The following STX8 variants were observed in gnomAD, a reference collection of about 807,000 sequenced individuals.
The protein encoded by STX8 is syntaxin-8.
Under a neutral mutation model 37.5 loss-of-function variants are expected in STX8, and 23 were observed. The ratio of observed to expected loss-of-function variants is 0.61; its 90% CI spans 0.44 to 0.87. The LOEUF (loss-of-function observed/expected upper bound fraction) is 0.87. Ranked by LOEUF, STX8 falls within the 40% of genes least tolerant of loss-of-function variation. The pLI, the probability that STX8 is intolerant of heterozygous loss-of-function variation, is 0.00. For missense variants in STX8, 313 were observed against 284.7 expected (o/e 1.10, Z -0.71); for synonymous variants, 115 against 99.1 (o/e 1.16, Z -0.95).
At chr17:9,424,178 G>A (rs895451705) in intron 6 of STX8, among the ~76,000 whole-genome samples, 26 of 152,198 alleles carry the variant, frequency 1.7e-4, no homozygotes, top group Non-Finnish European at 2.1e-4. Context: ...AAGATATGAA[G>A]CTGGGTTGGC....
chr17:9,442,308 A>G (rs187594433), intron 6 of STX8, among the ~76,000 whole-genome samples: 112 of 152,280 alleles, frequency 7.4e-4, no homozygotes, highest in Admixed American at 7.2e-3. Flanking sequence ...ACATCATGTC[A>G]TGACTGAACT....
chr17:9,575,377 C>G (rs111402724), intron 1 of STX8, among the ~76,000 whole-genome samples: 3,807 of 152,258 alleles, frequency 0.025, 57 homozygotes, highest in South Asian at 0.035. Context: ...CTCGGTTTCT[C>G]CACCTGTGAA....
At chr17:9,518,497 C>T (rs16958400) in intron 4 of STX8, among the ~76,000 whole-genome samples, 5,324 of 152,178 alleles carry the variant, frequency 0.035, 290 homozygotes, top group African/African-American at 0.12. Flanking sequence ...CTTGGGAATT[C>T]GACTTAGATC....
chr17:9,430,071 C>A (rs1181189739), intron 6 of STX8, among the ~76,000 whole-genome samples: 10 of 41,854 alleles, frequency 2.4e-4, no homozygotes, highest in East Asian at 8.7e-4. Context: ...TATATATATT[C>A]TATATAATAT....
intron 7 of STX8, among the ~76,000 whole-genome samples, chr17:9,364,095 G>T (rs148789826): frequency 6.6e-6 from 1 of 152,050 alleles, no homozygotes; most frequent in African/African-American, 2.4e-5. Context: ...ACATATAAAC[G>T]ATATTCTGAC....
chr17:9,397,594 C>T (rs1245291552), intron 6 of STX8, among the ~76,000 whole-genome samples: 1 of 152,038 alleles, frequency 6.6e-6, no homozygotes, highest in Non-Finnish European at 1.5e-5. Context: ...TTCTCGATAA[C>T]CAAAGGTGGA....
At chr17:9,413,935 C>T (rs1382300743) in intron 6 of STX8, among the ~76,000 whole-genome samples, 2 of 148,470 alleles carry the variant, frequency 1.3e-5, no homozygotes, top group South Asian at 2.2e-4. Context: ...TCCACCCATC[C>T]GCCCACCCAC....
At chr17:9,486,201 A>G (rs561487759) in intron 6 of STX8, among the ~76,000 whole-genome samples, 9 of 152,218 alleles carry the variant, frequency 5.9e-5, no homozygotes, top group Non-Finnish European at 8.8e-5. Flanking sequence ...TAGATTCCAA[A>G]CAGCATTTCC....
chr17:9,381,297 T>A (rs933508850), intron 6 of STX8, among the ~76,000 whole-genome samples: 2 of 152,098 alleles, frequency 1.3e-5, no homozygotes, highest in African/African-American at 2.4e-5. Flanking sequence ...TTATAGTGAC[T>A]GCTTTGGAGA....
intron 7 of STX8, among the ~76,000 whole-genome samples, chr17:9,354,315 TCAC>T (rs1910804773): frequency 6.7e-6 from 1 of 148,414 alleles, no homozygotes; most frequent in Admixed American, 6.8e-5. Context: ...AATAATTGTC[TCAC>T]TTTTTTTTTT....
chr17:9,494,615 CAAAAAAAAA>C (rs35806606), intron 5 of STX8, among the ~76,000 whole-genome samples: 3,836 of 64,442 alleles, frequency 0.06, 217 homozygotes, highest in African/African-American at 0.21. Context: ...GAACCTGTCT[CAAAAAAAAA>C]AAAAAAAAAA....
At chr17:9,544,468 A>G (rs945509382) in intron 4 of STX8, among the ~76,000 whole-genome samples, 1 of 152,080 alleles carries the variant, frequency 6.6e-6, no homozygotes, top group Non-Finnish European at 1.5e-5. Flanking sequence ...GCCCCGGACC[A>G]GTCTTATTAG....
At chr17:9,351,290 T>C (rs1910699036) in intron 7 of STX8, among the ~76,000 whole-genome samples, 1 of 149,406 alleles carries the variant, frequency 6.7e-6, no homozygotes, top group South Asian at 2.2e-4. Context: ...CCCAAGTAGC[T>C]GGGATTACAG....
rs376417730 is a variant in STX8 at position 9,505,056 on chromosome 17, G to A, written c.430C>T (p.Gln144Ter). ...TTAGTACCTTGGATAATTTTCTGCTGCTGTTGCCGGATTTCATCAAAACCC... is the reference window on the plus strand; with the variant it reads ...TTAGTACCTTGGATAATTTTCTGCTACTGTTGCCGGATTTCATCAAAACCC... Reference protein sequence around the residue: ...GLGFDEIRQQQQKIIQEQDAG... With the variant: ...GLGFDEIRQQ The change falls in exon 5 of 8, where the codon CAG becomes TAG. Residue 144 changes from glutamine (Q) to a stop codon, truncating the protein, a stop_gained. Transcript: ENST00000306357. LOFTEE classifies it high-confidence loss of function. 108 of 1,607,816 alleles carry A rather than the reference G, an allele frequency of 6.7e-5. No homozygotes were observed. The highest frequency in any genetic ancestry group is 8.5e-5 in the Non-Finnish European group (100 of 1,177,276).
intron 6 of STX8, among the ~76,000 whole-genome samples, chr17:9,482,348 C>T (rs1215302695): frequency 6.6e-6 from 1 of 152,044 alleles, no homozygotes; most frequent in Non-Finnish European, 1.5e-5. Context: ...AATCAGTTTT[C>T]AGATGCTAGC....
intron 5 of STX8, among the ~76,000 whole-genome samples, chr17:9,493,501 G>A (rs1181631102): frequency 1.3e-5 from 2 of 152,100 alleles, no homozygotes; most frequent in Admixed American, 6.5e-5. Context: ...TAACAAGAGC[G>A]CCTCCAGGGA....
chr17:9,492,369 A>T (rs1906891985), intron 5 of STX8, among the ~76,000 whole-genome samples: 1 of 152,238 alleles, frequency 6.6e-6, no homozygotes, highest in Admixed American at 6.5e-5. Context: ...ATGTATAAGG[A>T]TTAAAAAGAA....
chr17:9,412,160 T>C (rs563486697), intron 6 of STX8, among the ~76,000 whole-genome samples: 1 of 152,320 alleles, frequency 6.6e-6, no homozygotes, highest in South Asian at 2.1e-4. Flanking sequence ...GATGTTAATA[T>C]TAGGGAAACT....
chr17:9,378,516 T>C (rs1056505580), intron 7 of STX8, 36 bp downstream of exon 7: 1 of 1,560,626 alleles, frequency 6.4e-7, no homozygotes, highest in South Asian at 1.1e-5. Context: ...CCACAAGCTA[T>C]GACAGAAACA....
Sources: gnomAD v4.1 joint callset for allele counts (sites outside exome capture counted in the v4.1 genomes callset) on GRCh38, gnomAD v4.1.1 for gene constraint, MANE v1.5 for transcripts, NCBI Gene and HGNC (gene_info 2026-07-23, HGNC 2026-07-21) for gene names.